Variants in NEGR1 observed in about 807,000 individuals in gnomAD.
NEGR1 encodes IgLON family member 4.
A neutral mutation model predicts 40.9 loss-of-function variants in NEGR1; 10 were observed. The observed-to-expected ratio is 0.24, with a 90% CI of 0.15 to 0.42. The LOEUF (loss-of-function observed/expected upper bound fraction) is 0.42. NEGR1 is among the 10% of genes least tolerant of loss of function. NEGR1 has a pLI of 1.00. For synonymous variants in NEGR1, 185 were observed against 166.8 expected (o/e 1.11, Z -0.84); for missense variants, 352 against 438.9 (o/e 0.80, Z 1.77).
intron 6 of NEGR1, among the ~76,000 whole-genome samples, chr1:71,453,630 G>T (rs933613938): frequency 6.6e-6 from 1 of 152,168 alleles, no homozygotes; most frequent in African/African-American, 2.4e-5. Context: ...TCTGGAGAAA[G>T]ACCTGAAATA....
chr1:71,402,256 T>A lies in NEGR1; in HGVS notation c.*5190A>T, dbSNP rs370609951. On this transcript the variant is annotated 3_prime_UTR_variant, in exon 7 of 7. Coordinates refer to ENST00000357731, the MANE Select transcript of NEGR1 (RefSeq NM_173808.3). The stretch of plus-strand genomic sequence containing the variant: ...TAGTAATATTTTCTCCTTTAAGTAT[T>A]TGAAAGTGTTGAGAAAGCCACAATA... 9.9e-5 allele frequency: 15 copies of A among 152,196 alleles called. No homozygotes were observed. Among genetic ancestry groups the A allele is most frequent in the African/African-American group, 3.6e-4 (15 of 41,460 alleles). The allele number at this position is 152,196 out of a possible 1,614,324, so 9.4% of individuals were successfully genotyped here.
intron 1 of NEGR1, among the ~76,000 whole-genome samples, chr1:71,974,315 A>C (rs1442263341): frequency 2.0e-5 from 3 of 152,222 alleles, no homozygotes; most frequent in Non-Finnish European, 4.4e-5. Context: ...GGTTCACATT[A>C]ATATGTATTC....
At chr1:71,703,555 T>C (rs1041519081) in intron 3 of NEGR1, 2 of 147,986 alleles carry the variant, frequency 1.4e-5, no homozygotes, top group African/African-American at 4.9e-5. Context: ...TATGTTGAAG[T>C]CTTTACAAAA....
intron 4 of NEGR1, among the ~76,000 whole-genome samples, chr1:71,626,375 C>A (rs1650778727): frequency 7.7e-6 from 1 of 129,184 alleles, no homozygotes. Flanking sequence ...CCCGACCCCA[C>A]AACAGGCCCC....
intron 3 of NEGR1, among the ~76,000 whole-genome samples, chr1:71,729,477 T>A (rs1402373104): frequency 6.6e-6 from 1 of 152,214 alleles, no homozygotes; most frequent in Non-Finnish European, 1.5e-5. Flanking sequence ...GATGCTTTTT[T>A]CTATTTTGCT....
chr1:71,784,021 A>T (rs535173947), intron 2 of NEGR1, among the ~76,000 whole-genome samples: 1 of 152,246 alleles, frequency 6.6e-6, no homozygotes, highest in South Asian at 2.1e-4. Context: ...GGGAACACAG[A>T]TTTGTAACTA....
At chr1:71,494,396 T>C (rs531498771) in intron 6 of NEGR1, among the ~76,000 whole-genome samples, 43 of 152,256 alleles carry the variant, frequency 2.8e-4, no homozygotes, top group African/African-American at 1.0e-3. Context: ...TTGCCACACA[T>C]TGTGGCAAGG....
At chr1:72,057,162 A>AT (rs1289942476) in intron 1 of NEGR1, among the ~76,000 whole-genome samples, 1 of 151,622 alleles carries the variant, frequency 6.6e-6, no homozygotes, top group Non-Finnish European at 1.5e-5. Flanking sequence ...TATTGATTGA[A>AT]TGGAAGAATA....
At chr1:71,845,718 TC>T (rs1184785814) in intron 2 of NEGR1, among the ~76,000 whole-genome samples, 2 of 32,400 alleles carry the variant, frequency 6.2e-5, no homozygotes, top group Non-Finnish European at 1.7e-4. Flanking sequence ...TAGAGCCAGA[TC>T]TATCTATCTA....
intron 1 of NEGR1, among the ~76,000 whole-genome samples, chr1:72,013,822 T>C (rs1646682551): frequency 1.4e-5 from 2 of 143,772 alleles, no homozygotes; most frequent in Admixed American, 1.4e-4. Flanking sequence ...CATTTAGTAC[T>C]TAATTAAAAA....
intron 2 of NEGR1, among the ~76,000 whole-genome samples, chr1:71,929,104 T>A (rs1294871119): frequency 1.3e-5 from 2 of 152,080 alleles, no homozygotes; most frequent in Non-Finnish European, 2.9e-5. Flanking sequence ...CAGGTATTTA[T>A]CATATATGTT....
chr1:71,658,459 C>G (rs1651944877), intron 4 of NEGR1, among the ~76,000 whole-genome samples: 1 of 151,970 alleles, frequency 6.6e-6, no homozygotes, highest in Non-Finnish European at 1.5e-5. Context: ...CAAGTCTGTG[C>G]CAGAATTATT....
intron 6 of NEGR1, among the ~76,000 whole-genome samples, chr1:71,502,605 G>C (rs557598419): frequency 1.3e-5 from 2 of 152,276 alleles, no homozygotes; most frequent in African/African-American, 4.8e-5. Context: ...CGTCCCACCT[G>C]ATTTAAGTGG....
chr1:72,182,815 T>C (rs1434980575), intron 1 of NEGR1, among the ~76,000 whole-genome samples: 1 of 126,732 alleles, frequency 7.9e-6, no homozygotes, highest in Non-Finnish European at 1.6e-5. Context: ...TATGTGTATA[T>C]GTGTGTGTGT....
intron 1 of NEGR1, among the ~76,000 whole-genome samples, chr1:72,106,909 T>G (rs931186902): frequency 6.6e-5 from 10 of 151,924 alleles, no homozygotes; most frequent in African/African-American, 2.4e-4. Context: ...TCCTGTTTCA[T>G]GTCATGAATT....
At chr1:71,829,636 AAAAACAAAAC>A (rs200184811) in intron 2 of NEGR1, among the ~76,000 whole-genome samples, 1 of 151,942 alleles carries the variant, frequency 6.6e-6, no homozygotes. Context: ...AGGAAAAACA[AAAAACAAAAC>A]AAAACAAAAC....
chr1:71,615,238 C>A (rs1557588451), intron 4 of NEGR1, among the ~76,000 whole-genome samples: 1 of 151,880 alleles, frequency 6.6e-6, no homozygotes, highest in African/African-American at 2.4e-5. Flanking sequence ...TTTATTTATT[C>A]TTTATTCCTC....
intron 6 of NEGR1, among the ~76,000 whole-genome samples, chr1:71,559,392 T>C (rs115229547): frequency 0.02 from 2,968 of 151,676 alleles, 52 homozygotes; most frequent in African/African-American, 0.033. Context: ...CTTCCTCATC[T>C]GTTTCAGTAT....
At chr1:71,479,686 C>T (rs1434814711) in intron 6 of NEGR1, among the ~76,000 whole-genome samples, 1 of 151,972 alleles carries the variant, frequency 6.6e-6, no homozygotes. Flanking sequence ...ATGGCTTAAA[C>T]ATCTCTTGCA....
Sources: allele counts gnomAD v4.1 joint callset (sites outside exome capture counted in the v4.1 genomes callset), GRCh38; gene constraint gnomAD v4.1.1; transcripts MANE v1.5; gene names NCBI Gene and HGNC (gene_info 2026-07-23, HGNC 2026-07-21).